CIT: variants seen among roughly 807,000 people sequenced by gnomAD.
CIT encodes the protein citron Rho-interacting kinase.
In CIT, 79 loss-of-function variants were observed where a neutral mutation model predicts 272.7. The ratio of observed to expected loss-of-function variants is 0.29; its 90% CI spans 0.24 to 0.35. The LOEUF (loss-of-function observed/expected upper bound fraction) is 0.35, where lower values mean the gene tolerates loss of function less well. Ranked by LOEUF, CIT falls within the 10% of genes least tolerant of loss-of-function variation. CIT has a pLI of 1.00. For missense variants in CIT, 1,909 were observed against 2,618.3 expected (o/e 0.73, Z 5.91); for synonymous variants, 948 against 995.6 (o/e 0.95, Z 0.90).
chr12:119,696,450 T>C (rs1319067766), intron 46 of CIT, among the ~76,000 whole-genome samples: 2 of 152,164 alleles, frequency 1.3e-5, no homozygotes, highest in East Asian at 3.8e-4. Flanking sequence ...ATTTTGATAA[T>C]TGCCAGTGGT....
At chr12:119,821,706 A>G (rs1160855579) in intron 9 of CIT, among the ~76,000 whole-genome samples, 1 of 152,230 alleles carries the variant, frequency 6.6e-6, no homozygotes, top group Non-Finnish European at 1.5e-5. Flanking sequence ...AAGAAAGTCT[A>G]TTACATCTTT....
chr12:119,721,677 G>A (rs554959656), intron 28 of CIT, among the ~76,000 whole-genome samples: 70 of 152,212 alleles, frequency 4.6e-4, no homozygotes, highest in African/African-American at 1.4e-3. Context: ...GATCCCTACC[G>A]TCACAGGAAG....
At chr12:119,758,181 C>CA (rs1046746304) in intron 21 of CIT, among the ~76,000 whole-genome samples, 1 of 152,210 alleles carries the variant, frequency 6.6e-6, no homozygotes, top group Non-Finnish European at 1.5e-5. Flanking sequence ...GCTCCTGGAA[C>CA]ACAGCCCTTG....
intron 13 of CIT, 138 bp downstream of exon 13, chr12:119,782,380 T>C (rs1475630962): frequency 1.1e-5 from 10 of 888,238 alleles, no homozygotes; most frequent in Admixed American, 4.6e-5. Context: ...ATGACCTACA[T>C]ACCTGTCTCT....
intron 7 of CIT, among the ~76,000 whole-genome samples, chr12:119,830,489 T>G (rs772937579): frequency 6.6e-6 from 1 of 152,124 alleles, no homozygotes; most frequent in Non-Finnish European, 1.5e-5. Context: ...AGCAGTAACT[T>G]TGGAACTTGA....
At chr12:119,740,810 C>G (rs1565970513) in intron 24 of CIT, among the ~76,000 whole-genome samples, 2 of 152,092 alleles carry the variant, frequency 1.3e-5, no homozygotes, top group African/African-American at 2.4e-5. Context: ...CAGAAAACTA[C>G]CAGAATGTCA....
chr12:119,837,976 C>G (rs1396466613), intron 5 of CIT, among the ~76,000 whole-genome samples: 1 of 152,164 alleles, frequency 6.6e-6, no homozygotes, highest in Admixed American at 6.5e-5. Flanking sequence ...ATCGTGCCAG[C>G]CACTATTCTA....
At chr12:119,851,727 C>T (rs936991449) in intron 4 of CIT, among the ~76,000 whole-genome samples, 1 of 152,206 alleles carries the variant, frequency 6.6e-6, no homozygotes, top group Non-Finnish European at 1.5e-5. Flanking sequence ...AGTAACTCCC[C>T]ATAAAATACT....
intron 40 of CIT, among the ~76,000 whole-genome samples, chr12:119,707,536 C>T (rs78788603): frequency 0.012 from 1,818 of 151,616 alleles, 19 homozygotes; most frequent in Non-Finnish European, 0.018. Context: ...TTTTTTTTTC[C>T]CTGTCACCAG....
intron 5 of CIT, among the ~76,000 whole-genome samples, chr12:119,839,635 T>C (rs894589093): frequency 1.2e-4 from 18 of 152,190 alleles, no homozygotes; most frequent in African/African-American, 4.3e-4. Context: ...TTAGAAAACA[T>C]GAAACCCAGC....
intron 26 of CIT, 112 bp downstream of exon 26, chr12:119,734,036 ACCAGGAGGCTTGTGAC>A: frequency 1.0e-6 from 1 of 994,016 alleles, no homozygotes; most frequent in Non-Finnish European, 1.5e-6. Flanking sequence ...GGTTTTTAGC[ACCAGGAGGCTTGTGAC>A]CCAGGAAACT....
intron 14 of CIT, 121 bp from the exon 15 acceptor site, chr12:119,776,529 G>A (rs977250892): frequency 6.3e-5 from 73 of 1,153,212 alleles, no homozygotes; most frequent in South Asian, 3.4e-4. Context: ...GTTATCTTCT[G>A]TAAATAAAGA....
At chr12:119,726,685 G>T (rs16949608) in intron 28 of CIT, among the ~76,000 whole-genome samples, 1 of 152,000 alleles carries the variant, frequency 6.6e-6, no homozygotes, top group Non-Finnish European at 1.5e-5. Context: ...GCTCACTAAG[G>T]GTTAAACAGA....
At chr12:119,761,733 C>G (rs984963547) in intron 19 of CIT, among the ~76,000 whole-genome samples, 1 of 152,200 alleles carries the variant, frequency 6.6e-6, no homozygotes, top group East Asian at 1.9e-4. Flanking sequence ...AAAAAAGTCA[C>G]TGGGAAAAGA....
intron 12 of CIT, 119 bp downstream of exon 12, chr12:119,783,789 C>T (rs1964518552): frequency 7.8e-7 from 1 of 1,276,212 alleles, no homozygotes; most frequent in African/African-American, 1.5e-5. Context: ...TGTGCTCTCC[C>T]TCTCTCTACT....
At chr12:119,863,717 C>CG (rs540531244) in intron 3 of CIT, among the ~76,000 whole-genome samples, 1,732 of 151,168 alleles carry the variant, frequency 0.011, 39 homozygotes, top group African/African-American at 0.04. Context: ...AGTATAGAGA[C>CG]GGGGGGGTTT....
rs768724460 is a variant in CIT, at chr12:119,812,867, A to G, written c.1112-9478T>C. 1.5e-3 allele frequency among the ~76,000 whole-genome samples: 225 copies of G among 151,726 alleles called. 7 individuals carry two copies. Among genetic ancestry groups the G allele is most frequent in the Non-Finnish European group, 4.3e-4 (29 of 67,998 alleles). Reference sequence around the variant, plus strand: ...AAAGAAGAAGGAGGTTATCTGGCTCATGAAAAGCAGACATTTATTTGGCCA... The same window carrying G: ...AAAGAAGAAGGAGGTTATCTGGCTCGTGAAAAGCAGACATTTATTTGGCCA... On this transcript the variant is annotated intron_variant, in intron 9 of 47. Transcript: ENST00000392521.
chr12:119,802,292 G>A (rs1023110046), intron 10 of CIT, among the ~76,000 whole-genome samples: 7 of 152,238 alleles, frequency 4.6e-5, no homozygotes, highest in Admixed American at 4.6e-4. Context: ...AAAACAGAAT[G>A]TCATTGTATC....
chr12:119,704,418 C>G lies in CIT; in HGVS notation c.5249G>C (p.Ser1750Thr). The G allele has an allele frequency of 1.2e-6, 2 of 1,613,978 alleles. No homozygotes were observed. Among genetic ancestry groups the G allele is most frequent in the Non-Finnish European group, 1.7e-6 (2 of 1,179,862 alleles). Residue 1750 changes from serine to threonine, a missense_variant, in exon 41 of 48, where the codon AGC becomes ACC. Coordinates refer to ENST00000392521, the MANE Select transcript of CIT (RefSeq NM_001206999.2). ...GTTGTAGCGGAGAATGACGACTTTG[C>G]TGGGCATGGCTGCACAGATGCAGAG... Reference protein sequence around the residue: ...NGLCICAAMPSKVVILRYNEN... With the variant: ...NGLCICAAMPTKVVILRYNEN...
Sources: gnomAD v4.1 joint callset for allele counts (sites outside exome capture counted in the v4.1 genomes callset) on GRCh38, gnomAD v4.1.1 for gene constraint, MANE v1.5 for transcripts, NCBI Gene and HGNC (gene_info 2026-07-23, HGNC 2026-07-21) for gene names.